Variants in AP2M1 observed in about 807,000 individuals in gnomAD.
The protein encoded by AP2M1 is adaptor related protein complex 2 subunit mu 1, also known as AP-2 complex subunit mu.
In AP2M1, 5 loss-of-function variants were observed where a neutral mutation model predicts 54.5. That is an observed-to-expected ratio of 0.09 (90% confidence interval 0.05 to 0.19). AP2M1 has a LOEUF of 0.19. Among genes scored for constraint, AP2M1 ranks in the 10% least tolerant of loss-of-function variants. AP2M1 has a pLI of 1.00. For missense variants in AP2M1, 178 were observed against 580.2 expected (o/e 0.31, Z 7.12); for synonymous variants, 186 against 208.2 (o/e 0.89, Z 0.92).
At position 184,180,350 on chromosome 3, in the gene AP2M1, A is replaced by G. The variant is rs1715230291; in HGVS notation, c.423+99A>G. The G allele has an allele frequency of 2.8e-6, 4 of 1,427,366 alleles. No homozygotes were observed. The highest frequency in any genetic ancestry group is 1.4e-5 in the African/African-American group (1 of 70,824). The allele number at this position is 1,427,366 out of a possible 1,614,324, so 88.4% of individuals were successfully genotyped here. A position where few individuals can be genotyped will look rare whatever the true frequency, so the allele number is the denominator to read the frequency against. On this transcript the variant is annotated intron_variant, in intron 4 of 11. Transcript: ENST00000292807. The surrounding 1 kb of genome is among the most constrained non-coding windows in gnomAD (Gnocchi z 4.9). ...TCTGAGCTGACTCATGAGCCCTCCCATGACAGGAAGTGCTGGCCTGAGCCT... is the reference window on the plus strand; with the variant it reads ...TCTGAGCTGACTCATGAGCCCTCCCGTGACAGGAAGTGCTGGCCTGAGCCT...
chr3:184,177,687 T>A, intron 2 of AP2M1: 1 of 1,367,976 alleles, frequency 7.3e-7, no homozygotes. Context: ...AGCAGCTCCA[T>A]ATCCTGGGCC....
At position 184,180,291 on chromosome 3, in the gene AP2M1, A is replaced by C; in HGVS notation, c.423+40A>C. 1 of 1,599,244 alleles carries C rather than the reference A, an allele frequency of 6.3e-7. No individual in the cohort carries two copies. The highest frequency in any genetic ancestry group is 8.6e-7 in the Non-Finnish European group (1 of 1,168,300). ...CAGACTATAGTCAGGGTGGAGTCCA[A>C]TCTCCCTTCATCTCAGCTGGCCCCT... is the stretch of plus-strand genomic sequence containing the variant. On this transcript the variant is annotated intron_variant, in intron 4 of 11. Transcript: ENST00000292807. The surrounding 1 kb of genome is among the most constrained non-coding windows in gnomAD (Gnocchi z 4.9).
Position 184,183,783 on chromosome 3 carries a change from T to A in AP2M1, c.*167T>A. On this transcript the variant is annotated 3_prime_UTR_variant, in exon 12 of 12. Coordinates refer to ENST00000292807, the MANE Select transcript of AP2M1 (RefSeq NM_004068.4). This position sits in a 1 kb window ranked among gnomAD's most constrained non-coding sequence, Gnocchi z 5.7. ...CCAAGCACATTACAAGTGGGACCGG[T>A]GGAGCAGCCCCTGGGCTCCCTGGGC... The A allele has an allele frequency of 2.6e-6, 2 of 778,526 alleles. No homozygotes were observed. Among genetic ancestry groups the A allele is most frequent in the Non-Finnish European group, 4.0e-6 (2 of 501,446 alleles). 48.2% of individuals were successfully genotyped at this position (778,526 alleles called of 1,614,324 possible). A position where few individuals can be genotyped will look rare whatever the true frequency, so the allele number is the denominator to read the frequency against.
Position 184,183,005 on chromosome 3 carries a change from C to T in AP2M1, c.1173+137C>T, listed in dbSNP as rs774676330. On this transcript the variant is annotated intron_variant, in intron 11 of 11. Coordinates refer to ENST00000292807, the MANE Select transcript of AP2M1 (RefSeq NM_004068.4). This position sits in a 1 kb window ranked among gnomAD's most constrained non-coding sequence, Gnocchi z 5.7. Reference sequence around the variant, plus strand: ...AAGAACTGGCTTTAATTCATAGATCCATTCTTCCCCTTTCAAGCCTCTTAG... The same window carrying T: ...AAGAACTGGCTTTAATTCATAGATCTATTCTTCCCCTTTCAAGCCTCTTAG... 2 of 758,010 alleles carry T rather than the reference C, an allele frequency of 2.6e-6. No homozygotes were observed. Among genetic ancestry groups the T allele is most frequent in the South Asian group, 1.5e-5 (1 of 67,150 alleles). 47.0% of individuals were successfully genotyped at this position (758,010 alleles called of 1,614,324 possible).
Position 184,178,462 on chromosome 3 carries a change from A to T in AP2M1, c.75-395A>T, listed in dbSNP as rs1431276894. Among the ~76,000 whole-genome samples the T allele has an allele frequency of 6.6e-6, 1 of 152,206 alleles. No homozygotes were observed. Among genetic ancestry groups the T allele is most frequent in the Non-Finnish European group, 1.5e-5 (1 of 68,036 alleles). On this transcript the variant is annotated intron_variant, in intron 2 of 11. Transcript: ENST00000292807. This position sits in a 1 kb window ranked among gnomAD's most constrained non-coding sequence, Gnocchi z 4.9. ...CCCCACTGGTGGGATCACTAGCGGG[A>T]GGACTGAAGAAGCAGTGTCTCTTTC...
rs1715341464 is a variant in AP2M1 at position 184,183,460 on chromosome 3, C to G, written c.1174-22C>G. The G allele has an allele frequency of 2.5e-6, 4 of 1,613,788 alleles. No individual in the cohort carries two copies. The highest frequency in any genetic ancestry group is 1.7e-4 in the Middle Eastern group (1 of 5,888). On this transcript the variant is annotated intron_variant, in intron 11 of 11. Coordinates refer to ENST00000292807, the MANE Select transcript of AP2M1 (RefSeq NM_004068.4). This position sits in a 1 kb window ranked among gnomAD's most constrained non-coding sequence, Gnocchi z 5.7. The stretch of plus-strand genomic sequence containing the variant: ...CGGCTGTAAGAGGAAGGCCACATTT[C>G]TAACTAGCTCTCCTTGCCCAGGTGC...
In AP2M1 at chr3:184,182,251, G is replaced by A. The variant is rs1268592295; in HGVS notation, c.1061+3G>A. 1.9e-6 allele frequency: 3 copies of A among 1,613,568 alleles called. No individual in the cohort carries two copies. The highest frequency in any genetic ancestry group is 2.5e-6 in the Non-Finnish European group (3 of 1,179,864). ...AGCGAGAATGCCATCGTGTGGAAGT[G>A]AGTCTTTCCTTCATTAGGCCACAGC... On this transcript the variant is annotated splice_donor_region_variant and intron_variant, in intron 10 of 11. Coordinates refer to ENST00000292807, the MANE Select transcript of AP2M1 (RefSeq NM_004068.4). This position sits in a 1 kb window ranked among gnomAD's most constrained non-coding sequence, Gnocchi z 5.5.
chr3:184,183,670 G>A lies in AP2M1; in HGVS notation c.*54G>A. 1 of 1,590,928 alleles carries A rather than the reference G, an allele frequency of 6.3e-7. No homozygotes were observed. On this transcript the variant is annotated 3_prime_UTR_variant, in exon 12 of 12. Transcript: ENST00000292807. This position sits in a 1 kb window ranked among gnomAD's most constrained non-coding sequence, Gnocchi z 5.7. ...CAGCCACCCTCCTCCACAGGTCCAG[G>A]TGCCGCTCCCTCCCCCACCACACAT...
Position 184,180,352 on chromosome 3 carries a change from G to C in AP2M1, c.423+101G>C. The C allele has an allele frequency of 4.3e-6, 6 of 1,407,142 alleles. No individual in the cohort carries two copies. Among genetic ancestry groups the C allele is most frequent in the Middle Eastern group, 4.7e-4 (2 of 4,298 alleles). The allele number at this position is 1,407,142 out of a possible 1,614,324, so 87.2% of individuals were successfully genotyped here. On this transcript the variant is annotated intron_variant, in intron 4 of 11. Coordinates refer to ENST00000292807, the MANE Select transcript of AP2M1 (RefSeq NM_004068.4). The surrounding 1 kb of genome is among the most constrained non-coding windows in gnomAD (Gnocchi z 4.9). ...TGAGCTGACTCATGAGCCCTCCCAT[G>C]ACAGGAAGTGCTGGCCTGAGCCTCC...
Position 184,181,334 on chromosome 3 carries a change from C to A in AP2M1, c.707+108C>A. The A allele has an allele frequency of 6.6e-7, 1 of 1,511,262 alleles. No homozygotes were observed. The highest frequency in any genetic ancestry group is 9.1e-7 in the Non-Finnish European group (1 of 1,104,212). 93.6% of individuals were successfully genotyped at this position (1,511,262 alleles called of 1,614,324 possible). On this transcript the variant is annotated intron_variant, in intron 7 of 11. Transcript: ENST00000292807. This position sits in a 1 kb window ranked among gnomAD's most constrained non-coding sequence, Gnocchi z 5.7. The stretch of plus-strand genomic sequence containing the variant: ...ATTTCATTCCCACTGTAATTGCAAA[C>A]TCTGTTCCTGACGGTAAGCCTGGCT...
At position 184,181,344 on chromosome 3, in the gene AP2M1, G is replaced by C. The variant is rs1487781039; in HGVS notation, c.707+118G>C. On this transcript the variant is annotated intron_variant, in intron 7 of 11. Transcript: ENST00000292807. This position sits in a 1 kb window ranked among gnomAD's most constrained non-coding sequence, Gnocchi z 5.7. The stretch of plus-strand genomic sequence containing the variant: ...CACTGTAATTGCAAACTCTGTTCCT[G>C]ACGGTAAGCCTGGCTGTTCGCTCTT... 2 of 1,469,282 alleles carry C rather than the reference G, an allele frequency of 1.4e-6. No individual in the cohort carries two copies. Among genetic ancestry groups the C allele is most frequent in the Admixed American group, 3.7e-5 (2 of 54,736 alleles). The allele number at this position is 1,469,282 out of a possible 1,614,324, so 91.0% of individuals were successfully genotyped here.
Position 184,178,890 on chromosome 3 carries a change from T to C in AP2M1, c.108T>C (p.Val36=), listed in dbSNP as rs1715175718. 1 of 1,614,010 alleles carries C rather than the reference T, an allele frequency of 6.2e-7. No individual in the cohort carries two copies. The highest frequency in any genetic ancestry group is 1.7e-5 in the Admixed American group (1 of 59,990). ...CAGTGGATGCCTTTCGGGTCAATGT[T>C]ATCCATGCCCGGCAGCAGGTGCGCA... The part of the protein sequence containing the change: ...RNAVDAFRVN[V]IHARQQVRSP... The change falls in exon 3 of 12, where the codon GTT becomes GTC. Residue 36 remains valine, a synonymous_variant. Transcript: ENST00000292807. This position sits in a 1 kb window ranked among gnomAD's most constrained non-coding sequence, Gnocchi z 4.9.
rs368392478 is a variant in AP2M1 at position 184,178,101 on chromosome 3, C to G, written c.75-756C>G. ...CCTTGCCTGTCTTGTCTGCTTCTGC[C>G]TCACGGTGTGTGCCGCCCTCCCGGT... On this transcript the variant is annotated intron_variant, in intron 2 of 11. Transcript: ENST00000292807. This position sits in a 1 kb window ranked among gnomAD's most constrained non-coding sequence, Gnocchi z 4.9. The G allele has an allele frequency of 7.7e-7, 1 of 1,302,220 alleles. No individual in the cohort carries two copies. 80.7% of individuals were successfully genotyped at this position (1,302,220 alleles called of 1,614,324 possible). A position where few individuals can be genotyped will look rare whatever the true frequency, so the allele number is the denominator to read the frequency against.
rs1715148619 is a variant in AP2M1 at position 184,178,159 on chromosome 3, A to G, written c.75-698A>G. On this transcript the variant is annotated intron_variant, in intron 2 of 11. Coordinates refer to ENST00000292807, the MANE Select transcript of AP2M1 (RefSeq NM_004068.4). The surrounding 1 kb of genome is among the most constrained non-coding windows in gnomAD (Gnocchi z 4.9). ...GTGTCTAACCCTCTCTCTCGTTGCT[A>G]TCACTCTCCTCTTCTTGCTGGCGTC... is the stretch of plus-strand genomic sequence containing the variant. 4 of 1,514,750 alleles carry G rather than the reference A, an allele frequency of 2.6e-6. No individual in the cohort carries two copies. Among genetic ancestry groups the G allele is most frequent in the South Asian group, 2.4e-5 (2 of 83,652 alleles). 93.8% of individuals were successfully genotyped at this position (1,514,750 alleles called of 1,614,324 possible).
At position 184,181,610 on chromosome 3, in the gene AP2M1, G is replaced by A. The variant is rs1715276089; in HGVS notation, c.708-86G>A. ...ATTCTAGCAGCTTTTCATAGTCTCTGGTGCCAGCCTGGGGTGGAGTGGTCT... is the reference window on the plus strand; with the variant it reads ...ATTCTAGCAGCTTTTCATAGTCTCTAGTGCCAGCCTGGGGTGGAGTGGTCT... On this transcript the variant is annotated intron_variant, in intron 7 of 11. Transcript: ENST00000292807. The surrounding 1 kb of genome is among the most constrained non-coding windows in gnomAD (Gnocchi z 5.7). The A allele has an allele frequency of 6.5e-7, 1 of 1,541,586 alleles. No individual in the cohort carries two copies. Among genetic ancestry groups the A allele is most frequent in the Non-Finnish European group, 8.9e-7 (1 of 1,126,776 alleles).
Position 184,182,094 on chromosome 3 carries a change from T to G in AP2M1, c.963+47T>G. The G allele has an allele frequency of 6.2e-7, 1 of 1,611,394 alleles. No homozygotes were observed. Among genetic ancestry groups the G allele is most frequent in the Non-Finnish European group, 8.5e-7 (1 of 1,178,240 alleles). Reference sequence around the variant, plus strand: ...AGGAGGAAGAACTTGTCCCTAGGAATAAAGGTAGCTGATGTCACAGCTTGA... The same window carrying G: ...AGGAGGAAGAACTTGTCCCTAGGAAGAAAGGTAGCTGATGTCACAGCTTGA... On this transcript the variant is annotated intron_variant, in intron 9 of 11. Transcript: ENST00000292807. This position sits in a 1 kb window ranked among gnomAD's most constrained non-coding sequence, Gnocchi z 5.5.
Position 184,181,344 on chromosome 3 carries a change from G to A in AP2M1, c.707+118G>A. ...CACTGTAATTGCAAACTCTGTTCCT[G>A]ACGGTAAGCCTGGCTGTTCGCTCTT... On this transcript the variant is annotated intron_variant, in intron 7 of 11. Transcript: ENST00000292807. This position sits in a 1 kb window ranked among gnomAD's most constrained non-coding sequence, Gnocchi z 5.7. The A allele has an allele frequency of 6.8e-7, 1 of 1,469,400 alleles. No individual in the cohort carries two copies. Among genetic ancestry groups the A allele is most frequent in the Non-Finnish European group, 9.3e-7 (1 of 1,071,074 alleles). 91.0% of individuals were successfully genotyped at this position (1,469,400 alleles called of 1,614,324 possible). A position where few individuals can be genotyped will look rare whatever the true frequency, so the allele number is the denominator to read the frequency against.
Position 184,178,300 on chromosome 3 carries a change from C to A in AP2M1, c.75-557C>A. On this transcript the variant is annotated intron_variant, in intron 2 of 11. Transcript: ENST00000292807. This position sits in a 1 kb window ranked among gnomAD's most constrained non-coding sequence, Gnocchi z 4.9. ...CCCATCGTTTTCCTGCATCCTTTTTCATTCCCTCAACTTGCTCTGGAGTTG... is the reference window on the plus strand; with the variant it reads ...CCCATCGTTTTCCTGCATCCTTTTTAATTCCCTCAACTTGCTCTGGAGTTG... 1 of 1,483,650 alleles carries A rather than the reference C, an allele frequency of 6.7e-7. No homozygotes were observed. The highest frequency in any genetic ancestry group is 1.2e-5 in the South Asian group (1 of 82,954). The allele number at this position is 1,483,650 out of a possible 1,614,324, so 91.9% of individuals were successfully genotyped here. A position where few individuals can be genotyped will look rare whatever the true frequency, so the allele number is the denominator to read the frequency against.
At position 184,178,972 on chromosome 3, in the gene AP2M1, TG is replaced by T; in HGVS notation, c.192del (p.Trp64CysfsTer25). 1 of 1,614,190 alleles carries T rather than the reference TG, an allele frequency of 6.2e-7. No homozygotes were observed. The highest frequency in any genetic ancestry group is 8.5e-7 in the Non-Finnish European group (1 of 1,180,026). ...CTTCCACGTTAAGCGGTCCAACATT[TG>T]GCTGGCAGCAGTCACCAAGCAGAAT... ...SFFHVKRSNI[W>X]LAAVTKQNVN... On this transcript the variant is annotated frameshift_variant, in exon 3 of 12. Coordinates refer to ENST00000292807, the MANE Select transcript of AP2M1 (RefSeq NM_004068.4). LOFTEE classifies it high-confidence loss of function. This position sits in a 1 kb window ranked among gnomAD's most constrained non-coding sequence, Gnocchi z 4.9.
Sources: gnomAD v4.1 joint callset for allele counts (sites outside exome capture counted in the v4.1 genomes callset) on GRCh38, gnomAD v4.1.1 for gene constraint, Gnocchi (gnomAD v3.1) non-coding constraint, MANE v1.5 for transcripts, NCBI Gene and HGNC (gene_info 2026-07-23, HGNC 2026-07-21) for gene names.